The following GABRA1 variants were observed in gnomAD, a reference collection of about 807,000 sequenced individuals.
GABRA1 encodes the protein gamma-aminobutyric acid type A receptor subunit alpha1.
In GABRA1, 9 loss-of-function variants were observed where a neutral mutation model predicts 48.9. That is an observed-to-expected ratio of 0.18 (90% CI 0.11 to 0.32). GABRA1 has a LOEUF of 0.32. GABRA1 is among the 10% of genes least tolerant of loss of function. The pLI, the probability that GABRA1 is intolerant of heterozygous loss-of-function variation, is 1.00. For missense variants in GABRA1, 285 were observed against 553.8 expected, an observed-to-expected ratio of 0.51 and a Z score of 4.87; for synonymous variants, 210 against 198.7, an observed-to-expected ratio of 1.06 and a Z score of -0.48.
chr5:161,883,408 C>T (rs778012574), intron 7 of GABRA1, among the ~76,000 whole-genome samples: 10 of 152,064 alleles, frequency 6.6e-5, no homozygotes, highest in Admixed American at 1.3e-4. Flanking sequence ...AAAAGCTGGA[C>T]CCACATCTTT....
chr5:161,875,427 A>C, intron 5 of GABRA1, 133 bp from the exon 6 acceptor site: 1 of 738,430 alleles, frequency 1.4e-6, no homozygotes, highest in Non-Finnish European at 2.4e-6. Context: ...TTTGATTATT[A>C]ACAGCTCAGC....
intron 4 of GABRA1, among the ~76,000 whole-genome samples, chr5:161,869,721 A>G (rs1231489028): frequency 6.6e-6 from 1 of 152,076 alleles, no homozygotes; most frequent in Non-Finnish European, 1.5e-5. Context: ...ACTAAGACTC[A>G]CATTCTCCAG....
chr5:161,861,459 A>T (rs757914354), intron 3 of GABRA1, among the ~76,000 whole-genome samples: 7 of 151,842 alleles, frequency 4.6e-5, no homozygotes, highest in African/African-American at 9.7e-5. Flanking sequence ...AATAAGATAA[A>T]TAGCTCCTGC....
intron 1 of GABRA1, among the ~76,000 whole-genome samples, chr5:161,849,745 T>C (rs369899127): frequency 1.3e-5 from 2 of 152,350 alleles, no homozygotes; most frequent in African/African-American, 4.8e-5. Context: ...ATATTATGAC[T>C]GGAATTAATT....
intron 6 of GABRA1, chr5:161,881,994 AAGGAG>A (rs1754636612): frequency 6.5e-6 from 1 of 154,242 alleles, no homozygotes; most frequent in African/African-American, 2.4e-5. Context: ...GGAGAAGGAG[AAGGAG>A]AAGGAGAAGA....
intron 7 of GABRA1, among the ~76,000 whole-genome samples, chr5:161,886,612 CAAAA>C (rs982785998): frequency 1.3e-5 from 2 of 151,710 alleles, no homozygotes; most frequent in Non-Finnish European, 2.9e-5. Context: ...CCCATCTCTA[CAAAA>C]AATTAAAAAA....
At chr5:161,896,935 A>C (rs1029539993) in intron 9 of GABRA1, among the ~76,000 whole-genome samples, 176 bp from the exon 10 acceptor site, 1 of 152,210 alleles carries the variant, frequency 6.6e-6, no homozygotes, top group Non-Finnish European at 1.5e-5. Context: ...GCAAAAGGCT[A>C]TTAAATACTG....
intron 6 of GABRA1, among the ~76,000 whole-genome samples, chr5:161,879,401 C>A (rs577934526): frequency 1.3e-5 from 2 of 152,292 alleles, no homozygotes; most frequent in Non-Finnish European, 2.9e-5. Flanking sequence ...AATAAGCCAC[C>A]GTGCCCAGCC....
chr5:161,853,907 G>T (rs1561564843), intron 2 of GABRA1, among the ~76,000 whole-genome samples: 1 of 151,532 alleles, frequency 6.6e-6, no homozygotes, highest in African/African-American at 2.4e-5. Context: ...AACATGATAA[G>T]AATTCAAAAA....
intron 5 of GABRA1, among the ~76,000 whole-genome samples, chr5:161,874,409 T>C (rs1417916656): frequency 2.0e-5 from 3 of 152,016 alleles, no homozygotes; most frequent in Non-Finnish European, 4.4e-5. Context: ...CTAGATTATC[T>C]AAGCAGGACC....
Position 161,855,574 on chromosome 5 carries a change from T to C in GABRA1, c.187+1304T>C, listed in dbSNP as rs558220126. Among the ~76,000 whole-genome samples, 5 of 151,604 alleles carry C rather than the reference T, an allele frequency of 3.3e-5. No individual in the cohort carries two copies. The South Asian group carries it at 8.3e-4, about 25-fold the overall frequency. On this transcript the variant is annotated intron_variant, in intron 3 of 9. Transcript: ENST00000393943. ...AAGTCAAAATAGAGTGGTCACAAAATGGGGAGCCTAATTTTGTATATGATA... is the reference window on the plus strand; with the variant it reads ...AAGTCAAAATAGAGTGGTCACAAAACGGGGAGCCTAATTTTGTATATGATA...
chr5:161,855,393 C>G (rs1190043770), intron 3 of GABRA1, among the ~76,000 whole-genome samples: 1 of 151,548 alleles, frequency 6.6e-6, no homozygotes, highest in Non-Finnish European at 1.5e-5. Context: ...TTAAGGGAAA[C>G]TGCCTTGGCA....
intron 8 of GABRA1, among the ~76,000 whole-genome samples, chr5:161,894,908 C>A (rs923536573): frequency 3.3e-5 from 3 of 89,758 alleles, no homozygotes; most frequent in African/African-American, 7.8e-5. Context: ...GCAGTCTTAT[C>A]AGAAAGAAAA....
chr5:161,878,785 A>G (rs1754480361), intron 6 of GABRA1, among the ~76,000 whole-genome samples: 1 of 152,220 alleles, frequency 6.6e-6, no homozygotes, highest in African/African-American at 2.4e-5. Flanking sequence ...TTTGGGTTGC[A>G]GATTCTGACA....
At position 161,882,694 on chromosome 5, in the gene GABRA1, A is replaced by G; in HGVS notation, c.696A>G (p.Ser232=). 1.2e-6 allele frequency: 2 copies of G among 1,613,366 alleles called. No homozygotes were observed. The highest frequency in any genetic ancestry group is 1.7e-6 in the Non-Finnish European group (2 of 1,179,516). ...CAGTAGACTCTGGAATTGTCCAGTCAAGTACAGGTAAGTACGATTTTGTTA... is the reference window on the plus strand; with the variant it reads ...CAGTAGACTCTGGAATTGTCCAGTCGAGTACAGGTAAGTACGATTTTGTTA... ...GQTVDSGIVQ[S]STGEYVVMTT... is the part of the protein sequence containing the mutation. The change falls in exon 7 of 10, where the codon TCA becomes TCG. Residue 232 remains serine (S), a synonymous_variant. Transcript: ENST00000393943.
At position 161,899,045 on chromosome 5, in the gene GABRA1, T is replaced by C. The variant is rs1755500578; in HGVS notation, c.*1623T>C. 6.6e-6 allele frequency: 1 copy of C among 152,516 alleles called. No homozygotes were observed. The highest frequency in any genetic ancestry group is 2.4e-5 in the African/African-American group (1 of 41,442). The allele number at this position is 152,516 out of a possible 1,614,324, so 9.4% of individuals were successfully genotyped here. A position where few individuals can be genotyped will look rare whatever the true frequency, so the allele number is the denominator to read the frequency against. ...ATTTATGCAGAAGGTATTTTTGAAG[T>C]CTCCTTTTGTCTGATAGAGTTTAAC... On this transcript the variant is annotated 3_prime_UTR_variant, in exon 10 of 10. Coordinates refer to ENST00000393943, the MANE Select transcript of GABRA1 (RefSeq NM_001127644.2).
chr5:161,862,000 C>T (rs1375479342), intron 3 of GABRA1, among the ~76,000 whole-genome samples: 7 of 151,790 alleles, frequency 4.6e-5, no homozygotes, highest in Admixed American at 3.3e-4. Flanking sequence ...ACAGCATTTC[C>T]GGGGAAAATA....
At chr5:161,866,939 A>G (rs1432434818) in intron 4 of GABRA1, among the ~76,000 whole-genome samples, 1 of 152,084 alleles carries the variant, frequency 6.6e-6, no homozygotes, top group Non-Finnish European at 1.5e-5. Flanking sequence ...CCTGGTTTAT[A>G]ATGCCAGCTA....
chr5:161,857,763 T>C (rs1218687986), intron 3 of GABRA1, among the ~76,000 whole-genome samples: 1 of 151,556 alleles, frequency 6.6e-6, no homozygotes, highest in Non-Finnish European at 1.5e-5. Flanking sequence ...AAATAATCAG[T>C]ATCCAGAAAA....
Sources: allele counts gnomAD v4.1 joint callset (sites outside exome capture counted in the v4.1 genomes callset), GRCh38; gene constraint gnomAD v4.1.1; transcripts MANE v1.5; gene names NCBI Gene and HGNC (gene_info 2026-07-23, HGNC 2026-07-21).